EFR3B: variants seen among roughly 807,000 people sequenced by gnomAD.
EFR3B encodes protein EFR3 homolog B.
Under a neutral mutation model 104.7 loss-of-function variants are expected in EFR3B, and 64 were observed. The observed-to-expected ratio is 0.61, with a 90% CI of 0.50 to 0.75. The LOEUF (loss-of-function observed/expected upper bound fraction) is 0.75. Ranked by LOEUF, EFR3B falls within the 30% of genes least tolerant of loss-of-function variation. EFR3B has a pLI of 0.00. For synonymous variants in EFR3B, 385 were observed against 417.9 expected, an observed-to-expected ratio of 0.92 and a Z score of 0.96; for missense variants, 750 against 1,078.5, an observed-to-expected ratio of 0.70 and a Z score of 4.27.
At chr2:25,047,673 A>G (rs368677662) in intron 1 of EFR3B, among the ~76,000 whole-genome samples, 4 of 151,418 alleles carry the variant, frequency 2.6e-5, no homozygotes, top group Admixed American at 6.6e-5. Context: ...TAATTTTTGT[A>G]TTTTTAGTAG....
chr2:25,146,555 C>T lies in EFR3B; in HGVS notation c.2142+1504C>T, dbSNP rs571224696. ...CTGCTCTCTCCCCATAGTGGCGATT[C>T]TCCCTTCCCAAGAGGTAAGAGACCC... On this transcript the variant is annotated intron_variant, in intron 19 of 22. Transcript: ENST00000403714. 3 of 152,430 alleles carry T rather than the reference C, an allele frequency of 2.0e-5. No individual in the cohort carries two copies. In the East Asian group the frequency reaches 5.8e-4, roughly 29 times the overall value. 9.4% of individuals were successfully genotyped at this position (152,430 alleles called of 1,614,324 possible).
intron 1 of EFR3B, among the ~76,000 whole-genome samples, chr2:25,048,235 A>G (rs1573159544): frequency 6.6e-6 from 1 of 151,860 alleles, no homozygotes; most frequent in African/African-American, 2.4e-5. Flanking sequence ...GCTGGTCTTG[A>G]TCTCCTGGCC....
chr2:25,067,479 G>A (rs1248425079), intron 1 of EFR3B, among the ~76,000 whole-genome samples: 2 of 150,474 alleles, frequency 1.3e-5, no homozygotes, highest in East Asian at 3.9e-4. Flanking sequence ...CTGTTGCCCA[G>A]GCTGGAGTGC....
At chr2:25,106,661 T>A (rs1669572617) in intron 4 of EFR3B, among the ~76,000 whole-genome samples, 1 of 152,180 alleles carries the variant, frequency 6.6e-6, no homozygotes, top group African/African-American at 2.4e-5. Flanking sequence ...CAGGCTGGTC[T>A]CGAACTCCTG....
intron 3 of EFR3B, among the ~76,000 whole-genome samples, chr2:25,098,968 G>A (rs1669359434): frequency 6.7e-6 from 1 of 148,856 alleles, no homozygotes; most frequent in Non-Finnish European, 1.5e-5. Flanking sequence ...TTCTTCTCTT[G>A]CCCAACCCCA....
At chr2:25,062,955 G>A (rs931191420) in intron 1 of EFR3B, among the ~76,000 whole-genome samples, 4 of 151,412 alleles carry the variant, frequency 2.6e-5, no homozygotes, top group African/African-American at 9.7e-5. Flanking sequence ...GACAAGTCTC[G>A]CTCTGTCGCC....
At chr2:25,047,351 T>C (rs947795518) in intron 1 of EFR3B, among the ~76,000 whole-genome samples, 5 of 152,242 alleles carry the variant, frequency 3.3e-5, no homozygotes, top group Non-Finnish European at 7.4e-5. Flanking sequence ...ATCTTGAACC[T>C]GAGCATTTCT....
At chr2:25,052,722 C>T (rs1325803496) in intron 1 of EFR3B, among the ~76,000 whole-genome samples, 6 of 151,808 alleles carry the variant, frequency 4.0e-5, no homozygotes, top group African/African-American at 1.2e-4. Context: ...TCAGGCTGAT[C>T]TTGAACTCCT....
intron 1 of EFR3B, among the ~76,000 whole-genome samples, chr2:25,069,090 T>A (rs868246774): frequency 6.6e-6 from 1 of 151,610 alleles, no homozygotes; most frequent in Non-Finnish European, 1.5e-5. Flanking sequence ...GTATTTTTAG[T>A]AGAGATGGGG....
chr2:25,058,995 T>C (rs540595439), intron 1 of EFR3B, among the ~76,000 whole-genome samples: 1 of 152,224 alleles, frequency 6.6e-6, no homozygotes, highest in Admixed American at 6.5e-5. Flanking sequence ...TGTACACCCA[T>C]GTTCACAGCA....
intron 3 of EFR3B, among the ~76,000 whole-genome samples, chr2:25,096,859 C>G (rs1355268624): frequency 3.9e-5 from 6 of 152,170 alleles, no homozygotes; most frequent in African/African-American, 7.2e-5. Flanking sequence ...AATCTTAAAT[C>G]AACCCACCCC....
intron 1 of EFR3B, among the ~76,000 whole-genome samples, chr2:25,070,170 C>T (rs1558589248): frequency 6.6e-6 from 1 of 152,188 alleles, no homozygotes; most frequent in Non-Finnish European, 1.5e-5. Flanking sequence ...CAATTTGGTC[C>T]AGTGTTCAAG....
Position 25,137,513 on chromosome 2 carries a change from G to A in EFR3B, c.1722+11G>A, listed in dbSNP as rs1230835083. 3.2e-6 allele frequency: 5 copies of A among 1,551,716 alleles called. No individual in the cohort carries two copies. Among genetic ancestry groups the A allele is most frequent in the Non-Finnish European group, 4.4e-6 (5 of 1,146,972 alleles). On this transcript the variant is annotated intron_variant, in intron 15 of 22. Transcript: ENST00000403714. The surrounding 1 kb of genome is among the most constrained non-coding windows in gnomAD (Gnocchi z 4.7). ...GTGCTGGCTGTTCAGGTGGGGCCTG[G>A]TGTGCGCAGGGCATGGGGCTTGGGA...
At chr2:25,116,311 G>A (rs879910283) in intron 4 of EFR3B, among the ~76,000 whole-genome samples, 1 of 152,150 alleles carries the variant, frequency 6.6e-6, no homozygotes, top group Non-Finnish European at 1.5e-5. Context: ...TTCCTAGGAG[G>A]TGATAGATAC....
At chr2:25,098,831 A>ATTTTT (rs11416666) in intron 3 of EFR3B, among the ~76,000 whole-genome samples, 6 of 83,802 alleles carry the variant, frequency 7.2e-5, no homozygotes, top group African/African-American at 1.6e-4. Flanking sequence ...TAAGTAGCCA[A>ATTTTT]TTTTTTTTTT....
At position 25,151,918 on chromosome 2, in the gene EFR3B, C is replaced by T. The variant is rs1043666030; in HGVS notation, c.2196C>T (p.Asp732=). ...TYETLKKAIV[D]SVAVEEQERE... is the part of the protein sequence containing the mutation. Reference sequence around the variant, plus strand: ...ACCCAGCTCTCTGTGTCGAAGTGGACAGCGTAGCAGTGGAGGAGCAGGAGC... The same window carrying T: ...ACCCAGCTCTCTGTGTCGAAGTGGATAGCGTAGCAGTGGAGGAGCAGGAGC... The change falls in exon 21 of 23, where the codon GAC becomes GAT. Residue 732 remains aspartate (D), a synonymous_variant. Coordinates refer to ENST00000403714, the MANE Select transcript of EFR3B (RefSeq NM_014971.2). 1.7e-5 allele frequency: 27 copies of T among 1,551,610 alleles called. No homozygotes were observed. The Admixed American group carries it at 4.7e-4, about 27-fold the overall frequency.
rs1396963542 is a variant in EFR3B, at chr2:25,042,532, C to A, written c.7+213C>A. The A allele has an allele frequency of 4.1e-6, 5 of 1,206,698 alleles. No individual in the cohort carries two copies. In the East Asian group the frequency reaches 1.3e-4, roughly 32 times the overall value. 74.7% of individuals were successfully genotyped at this position (1,206,698 alleles called of 1,614,324 possible). On this transcript the variant is annotated intron_variant, in intron 1 of 22. Coordinates refer to ENST00000403714, the MANE Select transcript of EFR3B (RefSeq NM_014971.2). The surrounding 1 kb of genome is among the most constrained non-coding windows in gnomAD (Gnocchi z 5.4). ...GGGACCCTGGGGTCCTCTCCAGGCC[C>A]GGCGCGTGCCGGTGCTGGGCGGTGG...
At chr2:25,133,300 G>T in intron 11 of EFR3B, 83 bp from the exon 12 acceptor site, 1 of 1,425,988 alleles carries the variant, frequency 7.0e-7, no homozygotes. Flanking sequence ...ATGGAGAAAC[G>T]AATTGGGGTA....
intron 4 of EFR3B, among the ~76,000 whole-genome samples, chr2:25,117,665 G>T (rs1407885224): frequency 6.6e-6 from 1 of 152,008 alleles, no homozygotes; most frequent in South Asian, 2.1e-4. Context: ...GCCCACCTTG[G>T]CCTCCCAAAG....
Sources: gnomAD v4.1 joint callset for allele counts (sites outside exome capture counted in the v4.1 genomes callset) on GRCh38, gnomAD v4.1.1 for gene constraint, Gnocchi (gnomAD v3.1) non-coding constraint, MANE v1.5 for transcripts, NCBI Gene and HGNC (gene_info 2026-07-23, HGNC 2026-07-21) for gene names.